The following CNTNAP2 variants were observed in gnomAD, a reference collection of about 807,000 sequenced individuals.
The protein encoded by CNTNAP2 is contactin-associated protein-like 2.
Under a neutral mutation model 155.2 loss-of-function variants are expected in CNTNAP2, and 98 were observed. The ratio of observed to expected loss-of-function variants is 0.63; its 90% CI spans 0.54 to 0.75. The LOEUF is 0.75. CNTNAP2 is among the 30% of genes least tolerant of loss of function. The pLI is 0.00. For missense variants in CNTNAP2, 1,727 were observed against 1,688.1 expected, an observed-to-expected ratio of 1.02 and a Z score of -0.40; for synonymous variants, 651 against 631.2, an observed-to-expected ratio of 1.03 and a Z score of -0.47.
At chr7:147,697,627 C>G (rs1411005550) in intron 13 of CNTNAP2, among the ~76,000 whole-genome samples, 4 of 152,056 alleles carry the variant, frequency 2.6e-5, no homozygotes, top group African/African-American at 9.7e-5. Flanking sequence ...GAGCTTGTGC[C>G]TCTGGGCTAT....
intron 16 of CNTNAP2, 21 bp downstream of exon 16, chr7:148,118,309 A>G: frequency 1.2e-6 from 2 of 1,613,784 alleles, no homozygotes; most frequent in Non-Finnish European, 1.7e-6. Flanking sequence ...GTTGCTTGTC[A>G]ACTCATGGGG....
intron 3 of CNTNAP2, among the ~76,000 whole-genome samples, chr7:146,889,474 A>T (rs536028229): frequency 5.3e-5 from 8 of 152,238 alleles, no homozygotes; most frequent in African/African-American, 1.9e-4. Flanking sequence ...AGATTCATAG[A>T]CGTGTCTTCC....
At chr7:146,911,817 AT>A (rs528170120) in intron 3 of CNTNAP2, among the ~76,000 whole-genome samples, 239 of 152,180 alleles carry the variant, frequency 1.6e-3, no homozygotes, top group Non-Finnish European at 2.4e-3. Context: ...AATAAAAAAA[AT>A]AAATAATAAA....
chr7:147,613,003 A>G (rs950711399), intron 12 of CNTNAP2, among the ~76,000 whole-genome samples: 1 of 152,204 alleles, frequency 6.6e-6, no homozygotes, highest in Non-Finnish European at 1.5e-5. Context: ...CAAAATATTT[A>G]ATGTTCAAGA....
intron 13 of CNTNAP2, among the ~76,000 whole-genome samples, chr7:147,654,399 C>G (rs1795494341): frequency 6.6e-6 from 1 of 152,176 alleles, no homozygotes; most frequent in African/African-American, 2.4e-5. Context: ...GATTTGTCTC[C>G]TCCTTCTATC....
intron 10 of CNTNAP2, among the ~76,000 whole-genome samples, chr7:147,399,739 T>C (rs1796880846): frequency 6.6e-6 from 1 of 152,184 alleles, no homozygotes; most frequent in South Asian, 2.1e-4. Flanking sequence ...GTTTACACAA[T>C]AAACCTTTGT....
chr7:146,145,656 C>G (rs1247860284), intron 1 of CNTNAP2, among the ~76,000 whole-genome samples: 1 of 152,098 alleles, frequency 6.6e-6, no homozygotes, highest in Non-Finnish European at 1.5e-5. Flanking sequence ...CTATTACTGA[C>G]CATGGTCCCA....
chr7:146,584,798 AT>A (rs35005559), intron 1 of CNTNAP2, among the ~76,000 whole-genome samples: 55,448 of 152,034 alleles, frequency 0.36, 11,109 homozygotes, highest in African/African-American at 0.54. Context: ...TAAACCAATT[AT>A]TGCAAAGGTT....
intron 11 of CNTNAP2, among the ~76,000 whole-genome samples, chr7:147,555,505 G>A (rs984628257): frequency 3.3e-5 from 5 of 152,104 alleles, no homozygotes; most frequent in Admixed American, 6.6e-5. Context: ...TGATGGATAC[G>A]CAAAATGTTA....
chr7:148,058,836 A>G (rs1803073225), intron 15 of CNTNAP2, among the ~76,000 whole-genome samples: 1 of 152,236 alleles, frequency 6.6e-6, no homozygotes, highest in Non-Finnish European at 1.5e-5. Context: ...TATTCAAAAA[A>G]TAGCCCAGGT....
chr7:148,104,460 A>G (rs1414842950), intron 15 of CNTNAP2, among the ~76,000 whole-genome samples: 2 of 152,162 alleles, frequency 1.3e-5, no homozygotes, highest in African/African-American at 4.8e-5. Context: ...TTTGTAGTCT[A>G]TCAACACATA....
At chr7:146,147,403 G>A (rs1031903223) in intron 1 of CNTNAP2, among the ~76,000 whole-genome samples, 1 of 152,098 alleles carries the variant, frequency 6.6e-6, no homozygotes, top group Non-Finnish European at 1.5e-5. Context: ...CTTGTGAAAG[G>A]CCATTATAGG....
intron 9 of CNTNAP2, among the ~76,000 whole-genome samples, chr7:147,370,277 G>A (rs1194652144): frequency 6.6e-6 from 1 of 152,188 alleles, no homozygotes; most frequent in Non-Finnish European, 1.5e-5. Flanking sequence ...CTGTTTCCGT[G>A]CATCTGTATT....
At chr7:146,409,326 C>T (rs983529239) in intron 1 of CNTNAP2, among the ~76,000 whole-genome samples, 5 of 152,038 alleles carry the variant, frequency 3.3e-5, no homozygotes, top group Non-Finnish European at 5.9e-5. Flanking sequence ...CTTGAAATCA[C>T]CTAAAAACTA....
At chr7:147,570,484 A>G (rs1800267844) in intron 12 of CNTNAP2, among the ~76,000 whole-genome samples, 1 of 152,248 alleles carries the variant, frequency 6.6e-6, no homozygotes, top group African/African-American at 2.4e-5. Flanking sequence ...GACAATAAAG[A>G]TAAGCAAAAA....
At chr7:146,653,612 G>A (rs1211250587) in intron 1 of CNTNAP2, among the ~76,000 whole-genome samples, 1 of 152,150 alleles carries the variant, frequency 6.6e-6, no homozygotes, top group East Asian at 1.9e-4. Flanking sequence ...ATAGTTGAAT[G>A]CTAATATGAT....
intron 13 of CNTNAP2, among the ~76,000 whole-genome samples, chr7:147,875,479 C>T (rs1799407565): frequency 6.6e-6 from 1 of 152,162 alleles, no homozygotes; most frequent in Non-Finnish European, 1.5e-5. Context: ...CCTCCCACAA[C>T]ACATGGGGAT....
chr7:148,117,431 G>A (rs1804497833), intron 15 of CNTNAP2, among the ~76,000 whole-genome samples: 1 of 152,200 alleles, frequency 6.6e-6, no homozygotes, highest in South Asian at 2.1e-4. Context: ...CTCGTTCCCG[G>A]CTCCTCACCT....
At chr7:148,016,242 A>G (rs1373240916) in intron 15 of CNTNAP2, among the ~76,000 whole-genome samples, 2 of 152,214 alleles carry the variant, frequency 1.3e-5, no homozygotes, top group East Asian at 1.9e-4. Flanking sequence ...GTCTGTTTAC[A>G]CTGCAAACTC....
Sources: allele counts gnomAD v4.1 joint callset (sites outside exome capture counted in the v4.1 genomes callset), GRCh38; gene constraint gnomAD v4.1.1; transcripts MANE v1.5; gene names NCBI Gene and HGNC (gene_info 2026-07-23, HGNC 2026-07-21).